The following TJP2 variants were observed in gnomAD, a reference collection of about 807,000 sequenced individuals.
TJP2 encodes the protein Friedreich ataxia region gene X104 (tight junction protein ZO-2).
In TJP2, 91 loss-of-function variants were observed where a neutral mutation model predicts 133.1. The observed-to-expected ratio is 0.68, with a 90% CI of 0.58 to 0.81. The LOEUF (loss-of-function observed/expected upper bound fraction) is 0.81. Ranked by LOEUF, TJP2 falls within the 40% of genes least tolerant of loss-of-function variation. The pLI is 0.00. For missense variants in TJP2, 1,541 were observed against 1,565.6 expected (o/e 0.98, Z 0.26); for synonymous variants, 592 against 583.4 (o/e 1.01, Z -0.21).
At chr9:69,221,556 T>A in intron 5 of TJP2, 60 bp downstream of exon 5, 1 of 1,552,844 alleles carries the variant, frequency 6.4e-7, no homozygotes, top group Non-Finnish European at 8.7e-7. Context: ...CTTTGTTTTC[T>A]TAATTTTTTT....
intron 4 of TJP2, among the ~76,000 whole-genome samples, chr9:69,219,009 G>C (rs1270997768): frequency 1.4e-5 from 2 of 146,560 alleles, no homozygotes; most frequent in Admixed American, 1.4e-4. Context: ...TGCTCTTGTT[G>C]CCCAGGCTGG....
At chr9:69,234,682 G>T in intron 12 of TJP2, 135 bp downstream of exon 12, 2 of 622,932 alleles carry the variant, frequency 3.2e-6, no homozygotes, top group Non-Finnish European at 2.8e-6. Flanking sequence ...TAGTCCTTGG[G>T]CCCTAGGTGT....
At chr9:69,233,309 A>T (rs1340808296) in intron 11 of TJP2, among the ~76,000 whole-genome samples, 1 of 152,256 alleles carries the variant, frequency 6.6e-6, no homozygotes, top group Admixed American at 6.5e-5. Flanking sequence ...TCTTTAATAA[A>T]GCATTACTCT....
At chr9:69,173,379 T>TC (rs1383119807), upstream of TJP2, among the ~76,000 whole-genome samples, 1 of 152,204 alleles carries the variant, frequency 6.6e-6, no homozygotes, top group East Asian at 1.9e-4. Flanking sequence ...ACTGCACAAT[T>TC]CTTTGCACAT....
chr9:69,177,737 C>T (rs1409826490), intron 1 of TJP2, among the ~76,000 whole-genome samples: 18 of 151,802 alleles, frequency 1.2e-4, no homozygotes, highest in Admixed American at 1.1e-3. Context: ...CTCTGCCTCC[C>T]GGGTTCAAGC....
chr9:69,174,528 TC>T lies in TJP2; in HGVS notation c.60+100del, dbSNP rs1824916679. The stretch of plus-strand genomic sequence containing the variant: ...TGCTCGCGTGCTGCTCTGAAGTTGT[TC>T]CCCGATGCGCCGTAGGAAGCTGGGA... On this transcript the variant is annotated intron_variant, in intron 1 of 22. Transcript: ENST00000377245. 2.4e-5 allele frequency: 32 copies of T among 1,348,096 alleles called. No homozygotes were observed. In the South Asian group the frequency reaches 3.5e-4, roughly 15 times the overall value. 83.5% of individuals were successfully genotyped at this position (1,348,096 alleles called of 1,614,324 possible).
intron 17 of TJP2, among the ~76,000 whole-genome samples, chr9:69,245,795 G>A (rs1830884582): frequency 6.6e-6 from 1 of 152,210 alleles, no homozygotes; most frequent in South Asian, 2.1e-4. Context: ...TTGATGCATA[G>A]TAAGTGCTAT....
In TJP2 at chr9:69,177,773, T is replaced by C. The variant is rs139743228; in HGVS notation, c.60+3341T>C. On this transcript the variant is annotated intron_variant, in intron 1 of 22. Transcript: ENST00000377245. Reference sequence around the variant, plus strand: ...GGTTCTCTTGCTTCAGCCTTCAAAGTAGCTGGGATTACAGAAGTGAGCCAC... The same window carrying C: ...GGTTCTCTTGCTTCAGCCTTCAAAGCAGCTGGGATTACAGAAGTGAGCCAC... Among the ~76,000 whole-genome samples the C allele has an allele frequency of 4.9e-3, 743 of 152,102 alleles. 4 individuals are homozygous for C. The highest frequency in any genetic ancestry group is 0.017 in the African/African-American group (694 of 41,464).
intron 11 of TJP2, among the ~76,000 whole-genome samples, chr9:69,233,595 A>G (rs955815184): frequency 3.3e-5 from 5 of 152,208 alleles, no homozygotes; most frequent in Admixed American, 2.6e-4. Context: ...CAACATGGTG[A>G]AACCTTGTCT....
chr9:69,163,503 G>C (rs1270368421), intron 2 of TJP2, among the ~76,000 whole-genome samples: 1 of 152,026 alleles, frequency 6.6e-6, no homozygotes, highest in Non-Finnish European at 1.5e-5. Flanking sequence ...GGGCATGGTG[G>C]TGCACGCCTA....
intron 2 of TJP2, among the ~76,000 whole-genome samples, chr9:69,215,129 CA>C (rs2133229871): frequency 6.6e-6 from 1 of 152,202 alleles, no homozygotes; most frequent in African/African-American, 2.4e-5. Flanking sequence ...TACACACAGA[CA>C]CAAGGACAGG....
chr9:69,254,317 A>G lies in TJP2; in HGVS notation c.3516A>G (p.Glu1172=). ...EEEEYRQQLS[E]HSKRGYYGQS... is the part of the protein sequence containing the mutation. Reference sequence around the variant, plus strand: ...AGGAGTACCGCCAGCAGCTGTCAGAACACTCCAAGCGCGGTTACTATGGCC... The same window carrying G: ...AGGAGTACCGCCAGCAGCTGTCAGAGCACTCCAAGCGCGGTTACTATGGCC... Residue 1172 remains glutamate (E), a synonymous_variant, in exon 23 of 23, where the codon GAA becomes GAG. Coordinates refer to ENST00000377245, the MANE Select transcript of TJP2 (RefSeq NM_004817.4). 1 of 1,614,262 alleles carries G rather than the reference A, an allele frequency of 6.2e-7. No homozygotes were observed. Among genetic ancestry groups the G allele is most frequent in the East Asian group, 2.2e-5 (1 of 44,884 alleles).
At chr9:69,186,180 T>A (rs117735750) in intron 1 of TJP2, among the ~76,000 whole-genome samples, 39 of 152,346 alleles carry the variant, frequency 2.6e-4, no homozygotes, top group East Asian at 1.5e-3. Context: ...AGAATGTGAA[T>A]TTTTTCCTCC....
chr9:69,219,287 G>A (rs553950037), intron 4 of TJP2, among the ~76,000 whole-genome samples: 26 of 152,104 alleles, frequency 1.7e-4, no homozygotes, highest in Admixed American at 7.2e-4. Flanking sequence ...GGTATTTAAT[G>A]TTTTTCAACT....
At chr9:69,131,029 C>T (rs2133236406) in intron 1 of TJP2, among the ~76,000 whole-genome samples, 1 of 152,286 alleles carries the variant, frequency 6.6e-6, no homozygotes, top group East Asian at 1.9e-4. Flanking sequence ...CACAGAGTCA[C>T]ATGTGGACTT....
At chr9:69,211,435 T>C (rs1201652779) in intron 1 of TJP2, among the ~76,000 whole-genome samples, 2 of 152,256 alleles carry the variant, frequency 1.3e-5, no homozygotes, top group Non-Finnish European at 2.9e-5. Flanking sequence ...AGTCTTTGAT[T>C]CTTCAGTTTA....
intron 1 of TJP2, among the ~76,000 whole-genome samples, chr9:69,136,496 A>G (rs541744572): frequency 6.6e-6 from 1 of 152,360 alleles, no homozygotes; most frequent in Non-Finnish European, 1.5e-5. Flanking sequence ...AAATCATAAT[A>G]CAGTTTGAGA....
In TJP2 at chr9:69,237,927, A is replaced by T. The variant is rs1381794655; in HGVS notation, c.2229A>T (p.Ala743=). ...TATTCGGCCCCATAGCTGATATAGC[A>T]ATGGAAAAATTGGCTAATGAGTTAC... ...VVLFGPIADI[A]MEKLANELPD... The change falls in exon 15 of 23, where the codon GCA becomes GCT. Residue 743 remains alanine, a synonymous_variant. Coordinates refer to ENST00000377245, the MANE Select transcript of TJP2 (RefSeq NM_004817.4). The T allele has an allele frequency of 6.2e-7, 1 of 1,613,978 alleles. No homozygotes were observed. Among genetic ancestry groups the T allele is most frequent in the East Asian group, 2.2e-5 (1 of 44,868 alleles).
chr9:69,139,974 G>A (rs1250384780), intron 1 of TJP2, among the ~76,000 whole-genome samples: 1 of 152,164 alleles, frequency 6.6e-6, no homozygotes, highest in Non-Finnish European at 1.5e-5. Flanking sequence ...GCAAGTAGGC[G>A]ACCGCTGCCG....
Sources: gnomAD v4.1 joint callset for allele counts (sites outside exome capture counted in the v4.1 genomes callset) on GRCh38, gnomAD v4.1.1 for gene constraint, MANE v1.5 for transcripts, NCBI Gene and HGNC (gene_info 2026-07-23, HGNC 2026-07-21) for gene names.